PRKG1: variants seen among roughly 807,000 people sequenced by gnomAD.
PRKG1 encodes the protein cGMP-dependent protein kinase 1.
A neutral mutation model predicts 88.1 loss-of-function variants in PRKG1; 35 were observed. That is an observed-to-expected ratio of 0.40 (90% CI 0.30 to 0.53). PRKG1 has a LOEUF of 0.53. PRKG1 is among the 20% of genes least tolerant of loss of function. PRKG1 has a pLI of 0.59. For synonymous variants in PRKG1, 303 were observed against 292.5 expected (o/e 1.04, Z -0.37); for missense variants, 540 against 839.8 (o/e 0.64, Z 4.41).
intron 3 of PRKG1, among the ~76,000 whole-genome samples, chr10:51,573,671 A>T (rs1837813206): frequency 6.6e-6 from 1 of 151,816 alleles, no homozygotes; most frequent in African/African-American, 2.4e-5. Flanking sequence ...AGCCTCCTGA[A>T]TTCTATAAGC....
intron 2 of PRKG1, among the ~76,000 whole-genome samples, chr10:51,222,468 A>T (rs1395230901): frequency 6.6e-6 from 1 of 152,178 alleles, no homozygotes; most frequent in Admixed American, 6.5e-5. Flanking sequence ...TATGGTCAGA[A>T]ATGCTTAATT....
At chr10:51,021,826 G>A (rs1843141157) in intron 1 of PRKG1, among the ~76,000 whole-genome samples, 2 of 151,922 alleles carry the variant, frequency 1.3e-5, no homozygotes, top group African/African-American at 4.8e-5. Context: ...TATTACAGGC[G>A]CCTGCCACCA....
intron 3 of PRKG1, among the ~76,000 whole-genome samples, chr10:51,576,741 A>C (rs1322437471): frequency 6.6e-6 from 1 of 151,872 alleles, no homozygotes; most frequent in African/African-American, 2.4e-5. Flanking sequence ...CAATATTTTT[A>C]AACTTTGCTA....
chr10:51,191,913 G>A (rs866050726), intron 2 of PRKG1, among the ~76,000 whole-genome samples: 2 of 151,686 alleles, frequency 1.3e-5, no homozygotes, highest in African/African-American at 4.8e-5. Flanking sequence ...AAAATGAACA[G>A]CAAATAAAGT....
intron 3 of PRKG1, among the ~76,000 whole-genome samples, chr10:51,603,465 C>T (rs376694705): frequency 3.7e-4 from 56 of 152,102 alleles, no homozygotes; most frequent in Non-Finnish European, 2.4e-4. Flanking sequence ...ATAGGGAAAG[C>T]GCTATCCCTT....
At chr10:52,155,661 T>G (rs1159696097) in intron 8 of PRKG1, among the ~76,000 whole-genome samples, 1 of 151,384 alleles carries the variant, frequency 6.6e-6, no homozygotes, top group Non-Finnish European at 1.5e-5. Flanking sequence ...CTCAAGATTG[T>G]AAAATTACAA....
intron 5 of PRKG1, among the ~76,000 whole-genome samples, chr10:51,940,986 C>T (rs1842895017): frequency 1.3e-5 from 2 of 151,878 alleles, no homozygotes; most frequent in East Asian, 1.9e-4. Context: ...ATCAACTTAC[C>T]ATTGTAGTAA....
chr10:51,775,161 G>T (rs894471539), intron 3 of PRKG1, among the ~76,000 whole-genome samples: 2 of 152,106 alleles, frequency 1.3e-5, no homozygotes, highest in Non-Finnish European at 1.5e-5. Flanking sequence ...TGCAGGGGAG[G>T]TTATTAAGCC....
chr10:52,289,024 C>A, intron 16 of PRKG1, 31 bp downstream of exon 16: 1 of 1,564,568 alleles, frequency 6.4e-7, no homozygotes. Context: ...GTTCTGAACA[C>A]GTGACATCAT....
At chr10:51,088,265 T>G (rs975480771) in intron 1 of PRKG1, among the ~76,000 whole-genome samples, 1 of 152,186 alleles carries the variant, frequency 6.6e-6, no homozygotes, top group African/African-American at 2.4e-5. Flanking sequence ...AATGGTTTAC[T>G]TCCTCACTGA....
At chr10:51,583,619 G>C (rs576139718) in intron 3 of PRKG1, among the ~76,000 whole-genome samples, 1 of 152,138 alleles carries the variant, frequency 6.6e-6, no homozygotes, top group South Asian at 2.1e-4. Flanking sequence ...CTAGAATATA[G>C]TGCAGAGAGT....
At chr10:51,687,026 C>G (rs1200597628) in intron 3 of PRKG1, among the ~76,000 whole-genome samples, 1 of 152,054 alleles carries the variant, frequency 6.6e-6, no homozygotes, top group Non-Finnish European at 1.5e-5. Flanking sequence ...ATATATTACA[C>G]CCAGCCATCT....
intron 2 of PRKG1, among the ~76,000 whole-genome samples, chr10:51,408,012 A>G (rs1837970987): frequency 6.6e-6 from 1 of 152,096 alleles, no homozygotes; most frequent in African/African-American, 2.4e-5. Flanking sequence ...AAGAACTAAG[A>G]CCTCTAGGCC....
At chr10:51,935,801 C>T (rs1842788462) in intron 5 of PRKG1, among the ~76,000 whole-genome samples, 1 of 152,058 alleles carries the variant, frequency 6.6e-6, no homozygotes, top group African/African-American at 2.4e-5. Context: ...ATGAGTCTTC[C>T]AGTTTTCCCT....
chr10:51,171,433 A>G (rs538673863), intron 2 of PRKG1, among the ~76,000 whole-genome samples: 62 of 152,090 alleles, frequency 4.1e-4, no homozygotes, highest in Non-Finnish European at 7.6e-4. Flanking sequence ...TCTTGTAGTC[A>G]TTCAGGCACC....
chr10:52,079,454 C>G (rs1041936782), intron 7 of PRKG1, among the ~76,000 whole-genome samples: 1 of 152,116 alleles, frequency 6.6e-6, no homozygotes, highest in Non-Finnish European at 1.5e-5. Flanking sequence ...ACAGATATGT[C>G]CATATGAAGC....
intron 1 of PRKG1, among the ~76,000 whole-genome samples, chr10:51,000,656 G>A (rs1842879942): frequency 6.6e-6 from 1 of 152,178 alleles, no homozygotes; most frequent in African/African-American, 2.4e-5. Context: ...TTTAATAAGT[G>A]TTGGGAGAAA....
chr10:51,714,280 T>C (rs938416609), intron 3 of PRKG1, among the ~76,000 whole-genome samples: 1 of 152,144 alleles, frequency 6.6e-6, no homozygotes, highest in Non-Finnish European at 1.5e-5. Flanking sequence ...TCCCGGCCTA[T>C]TGCTTTTATT....
chr10:51,835,769 G>C (rs1450418844), intron 4 of PRKG1, among the ~76,000 whole-genome samples: 1 of 152,100 alleles, frequency 6.6e-6, no homozygotes, highest in Non-Finnish European at 1.5e-5. Flanking sequence ...GGGATTGCTG[G>C]ATCATATGGT....
Sources: gnomAD v4.1 joint callset for allele counts (sites outside exome capture counted in the v4.1 genomes callset) on GRCh38, gnomAD v4.1.1 for gene constraint, MANE v1.5 for transcripts, NCBI Gene and HGNC (gene_info 2026-07-23, HGNC 2026-07-21) for gene names.